Variants in DGKH observed in about 807,000 individuals in gnomAD.
DGKH encodes diacylglycerol kinase eta.
In DGKH, 90 loss-of-function variants were observed where a neutral mutation model predicts 159.3. The ratio of observed to expected loss-of-function variants is 0.57; its 90% CI spans 0.48 to 0.67. DGKH has a LOEUF of 0.67. Among genes scored for constraint, DGKH ranks in the 30% least tolerant of loss-of-function variants. The pLI is 0.00. For missense variants in DGKH, 1,181 were observed against 1,506.1 expected (o/e 0.78, Z 3.57); for synonymous variants, 536 against 553.8 (o/e 0.97, Z 0.45).
chr13:42,251,336 C>G (rs1198087173), intron 29 of DGKH, among the ~76,000 whole-genome samples: 2 of 152,112 alleles, frequency 1.3e-5, no homozygotes, highest in South Asian at 2.1e-4. Context: ...ATTACCTGGG[C>G]ATGGTGACAT....
At chr13:42,045,483 G>C (rs1261627836), upstream of DGKH, among the ~76,000 whole-genome samples, 1 of 152,194 alleles carries the variant, frequency 6.6e-6, no homozygotes, top group Non-Finnish European at 1.5e-5. Flanking sequence ...ATGATGAAAG[G>C]TTTTTGCCTC....
chr13:42,219,057 T>A (rs1039609436), intron 26 of DGKH, among the ~76,000 whole-genome samples, 173 bp from the exon 27 acceptor site: 2 of 152,382 alleles, frequency 1.3e-5, no homozygotes, highest in East Asian at 3.9e-4. Flanking sequence ...TCAGATTTTT[T>A]AAAAATGAAA....
At chr13:42,069,650 G>A (rs1158275590) in intron 1 of DGKH, 7 of 1,315,676 alleles carry the variant, frequency 5.3e-6, no homozygotes, top group African/African-American at 1.5e-5. Context: ...TCTTTGCTTT[G>A]TTCTTTCCAA....
At chr13:42,098,972 C>A (rs1954600473) in intron 1 of DGKH, among the ~76,000 whole-genome samples, 1 of 152,108 alleles carries the variant, frequency 6.6e-6, no homozygotes, top group African/African-American at 2.4e-5. Flanking sequence ...TGATTAAATG[C>A]CAAATTCTAT....
chr13:42,163,809 G>T (rs949507346), intron 7 of DGKH, among the ~76,000 whole-genome samples: 1 of 151,612 alleles, frequency 6.6e-6, no homozygotes. Flanking sequence ...CCATTTTGTA[G>T]GTTGCCTGTT....
At chr13:42,061,451 A>C (rs1566080752) in intron 1 of DGKH, among the ~76,000 whole-genome samples, 1 of 151,758 alleles carries the variant, frequency 6.6e-6, no homozygotes. Flanking sequence ...GGACTCCCAT[A>C]CTCTTGCTAT....
In DGKH at chr13:42,208,899, T is replaced by C. The variant is rs968157303; in HGVS notation, c.2602-60T>C. The C allele has an allele frequency of 3.1e-6, 3 of 982,346 alleles. No homozygotes were observed. The South Asian group carries it at 6.4e-5, about 21-fold the overall frequency. The allele number at this position is 982,346 out of a possible 1,614,324, so 60.9% of individuals were successfully genotyped here. A position where few individuals can be genotyped will look rare whatever the true frequency, so the allele number is the denominator to read the frequency against. Reference sequence around the variant, plus strand: ...ATGTAGATATATATTGCAGTTTACATTGCTTAACGTGCTCTTCACCTAAAC... The same window carrying C: ...ATGTAGATATATATTGCAGTTTACACTGCTTAACGTGCTCTTCACCTAAAC... On this transcript the variant is annotated intron_variant, in intron 21 of 29. Transcript: ENST00000337343.
Position 42,236,581 on chromosome 13 carries a change from A to T in DGKH, c.*7393A>T, listed in dbSNP as rs1958417125. Reference sequence around the variant, plus strand: ...AGCCAATTCTCAGTTTTAGTTGAAGAGAGATCTCAGTGATTGTACTGCCAA... The same window carrying T: ...AGCCAATTCTCAGTTTTAGTTGAAGTGAGATCTCAGTGATTGTACTGCCAA... On this transcript the variant is annotated 3_prime_UTR_variant, in exon 30 of 30. Coordinates refer to ENST00000337343, the MANE Select transcript of DGKH (RefSeq NM_178009.5). 1 of 152,202 alleles carries T rather than the reference A, an allele frequency of 6.6e-6. No homozygotes were observed. Among genetic ancestry groups the T allele is most frequent in the African/African-American group, 2.4e-5 (1 of 41,454 alleles). 9.4% of individuals were successfully genotyped at this position (152,202 alleles called of 1,614,324 possible).
rs991180196 is a variant in DGKH, at chr13:42,199,583, A to G, written c.2303A>G (p.Lys768Arg). Residue 768 changes from lysine to arginine, a missense_variant, in exon 19 of 30, where the codon AAA (lysine) becomes AGA (arginine). Physicochemically the swap from Lys to Arg is conservative, Grantham distance 26 (BLOSUM62 2). Around this residue, in one of 5 missense-constraint regions of DGKH, gnomAD observed 335 missense variants for 495.2 expected, o/e 0.68. Transcript: ENST00000337343. Reference protein sequence around the residue: ...DLDSVDGYSEKCVMNNYFGIG... With the variant: ...DLDSVDGYSERCVMNNYFGIG... ...GATCATAGAGATGGATATTCAGAAA[A>G]ATGTGTCATGAACAATTACTTTGGG... 2 of 1,589,824 alleles carry G rather than the reference A, an allele frequency of 1.3e-6. No individual in the cohort carries two copies. The highest frequency in any genetic ancestry group is 1.7e-6 in the Non-Finnish European group (2 of 1,172,524).
In DGKH at chr13:42,070,325, G is replaced by A. The variant is rs182034973; in HGVS notation, c.192+21360G>A. 140 of 1,377,394 alleles carry A rather than the reference G, an allele frequency of 1.0e-4. No individual in the cohort carries two copies. In the African/African-American group the frequency reaches 1.5e-3, roughly 15 times the overall value. The allele number at this position is 1,377,394 out of a possible 1,614,324, so 85.3% of individuals were successfully genotyped here. A position where few individuals can be genotyped will look rare whatever the true frequency, so the allele number is the denominator to read the frequency against. On this transcript the variant is annotated intron_variant, in intron 1 of 29. Transcript: ENST00000337343. Reference sequence around the variant, plus strand: ...GGAATTACGCTGAGAAGCTCCTGACGATCTTCCTCATGTGCAACAGGAATA... The same window carrying A: ...GGAATTACGCTGAGAAGCTCCTGACAATCTTCCTCATGTGCAACAGGAATA...
rs1238980579 is a variant in DGKH at position 42,248,971 on chromosome 13, ATATACATGATATATAAGCAGATATGT to A, written n.4055-3436_4055-3411del. 3.3e-5 allele frequency among the ~76,000 whole-genome samples: 5 copies of A among 152,360 alleles called. No homozygotes were observed. The East Asian group carries it at 9.6e-4, about 29-fold the overall frequency. On this transcript the variant is annotated intron_variant and non_coding_transcript_variant, in intron 29 of 30. Coordinates refer to the DGKH transcript ENST00000498255. ...TGCGTGACTGTGCATACACACACAT[ATATACATGATATATAAGCAGATATGT>A]TTATATATCACAAGTTTAACAAAAT...
chr13:42,042,877 C>T (rs1880594497), intron 1 of DGKH, among the ~76,000 whole-genome samples: 1 of 152,154 alleles, frequency 6.6e-6, no homozygotes, highest in South Asian at 2.1e-4. Context: ...AGGGAATTTT[C>T]ATTTAACTTC....
chr13:42,192,035 T>C (rs1032634230), intron 16 of DGKH, among the ~76,000 whole-genome samples: 7 of 152,194 alleles, frequency 4.6e-5, no homozygotes, highest in African/African-American at 1.7e-4. Context: ...TTACTATAAG[T>C]AAAGTGCCTA....
chr13:42,192,797 T>TGA (rs1433611575), intron 16 of DGKH, among the ~76,000 whole-genome samples: 1 of 152,198 alleles, frequency 6.6e-6, no homozygotes, highest in Non-Finnish European at 1.5e-5. Context: ...CTGATGATTT[T>TGA]AAACCTTTTG....
chr13:42,049,164 C>T (rs1008168052), intron 1 of DGKH, among the ~76,000 whole-genome samples, 199 bp downstream of exon 1: 1 of 26,086 alleles, frequency 3.8e-5, no homozygotes, highest in African/African-American at 1.6e-4. Context: ...CGGGGCGGGG[C>T]CTGGGGCGCG....
At chr13:42,068,647 A>G (rs1278858704) in intron 1 of DGKH, among the ~76,000 whole-genome samples, 3 of 152,206 alleles carry the variant, frequency 2.0e-5, no homozygotes, top group Non-Finnish European at 4.4e-5. Context: ...TGTAAAACAG[A>G]TCATTGTTCT....
intron 1 of DGKH, among the ~76,000 whole-genome samples, chr13:42,098,618 A>G (rs1013240065): frequency 3.9e-5 from 6 of 152,200 alleles, no homozygotes; most frequent in Admixed American, 6.5e-5. Context: ...TGATTCTTCA[A>G]GTTTTTATTT....
intron 1 of DGKH, among the ~76,000 whole-genome samples, chr13:42,101,772 T>TGA (rs35380630): frequency 0.25 from 36,729 of 148,814 alleles, 4,523 homozygotes; most frequent in South Asian, 0.29. Context: ...TGTGTGTGTG[T>TGA]GAGAGAGAGA....
rs113525327 is a variant in DGKH, at chr13:42,071,488, A to G, written c.192+22523A>G. On this transcript the variant is annotated intron_variant, in intron 1 of 29. Transcript: ENST00000337343. ...ATAAATATGCACACAACAGGCTTCTATGAACATTCTCCTCACAGTGCAGAT... is the reference window on the plus strand; with the variant it reads ...ATAAATATGCACACAACAGGCTTCTGTGAACATTCTCCTCACAGTGCAGAT... Among the ~76,000 whole-genome samples the G allele has an allele frequency of 8.5e-3, 1,290 of 152,366 alleles. 27 individuals are homozygous for G. The highest frequency in any genetic ancestry group is 0.03 in the African/African-American group (1,237 of 41,580).
Sources: allele counts gnomAD v4.1 joint callset (sites outside exome capture counted in the v4.1 genomes callset), GRCh38; gene constraint gnomAD v4.1.1; regional missense constraint gnomAD v4.1.1; transcripts MANE v1.5; gene names NCBI Gene and HGNC (gene_info 2026-07-23, HGNC 2026-07-21).